Variants in JAKMIP3 observed in about 807,000 individuals in gnomAD.
JAKMIP3 encodes Janus kinase and microtubule interacting protein 3, also known as janus kinase and microtubule-interacting protein 3.
In JAKMIP3, 58 loss-of-function variants were observed where a neutral mutation model predicts 118.5. The ratio of observed to expected loss-of-function variants is 0.49; its 90% CI spans 0.40 to 0.61. The LOEUF (loss-of-function observed/expected upper bound fraction) is 0.61, where lower values mean the gene tolerates loss of function less well. JAKMIP3 is among the 20% of genes least tolerant of loss of function. JAKMIP3 has a pLI of 0.00. For synonymous variants in JAKMIP3, 486 were observed against 451.2 expected (o/e 1.08, Z -0.98); for missense variants, 950 against 1,109.0 (o/e 0.86, Z 2.04).
chr10:132,145,176 G>A lies in JAKMIP3; in HGVS notation c.1672G>A (p.Ala558Thr), dbSNP rs777987452. 6.2e-7 allele frequency: 1 copy of A among 1,610,152 alleles called. No homozygotes were observed. ...ARIEDLEKALAEQGQDMKWIE... is the reference protein window; with the variant it reads ...ARIEDLEKALTEQGQDMKWIE... The stretch of plus-strand genomic sequence containing the variant: ...GATAGAGGACCTGGAGAAGGCCCTG[G>A]CGGAGCAGGGGCAGGTGAGCCTGCA... Residue 558 changes from alanine to threonine, a missense_variant, in exon 12 of 24, where the codon GCG (alanine) becomes ACG (threonine). Transcript: ENST00000684848.
intron 2 of JAKMIP3, among the ~76,000 whole-genome samples, chr10:132,105,246 G>A (rs1043795343): frequency 3.9e-5 from 6 of 152,252 alleles, no homozygotes; most frequent in African/African-American, 7.2e-5. Flanking sequence ...TCTGTGTCCA[G>A]TGGTGCCATA....
intron 23 of JAKMIP3, among the ~76,000 whole-genome samples, chr10:132,169,556 T>G (rs539601480): frequency 6.6e-6 from 1 of 152,082 alleles, no homozygotes; most frequent in Admixed American, 6.5e-5. Flanking sequence ...TGGGAGGGTT[T>G]GTGGATCCGT....
intron 19 of JAKMIP3, among the ~76,000 whole-genome samples, chr10:132,159,094 G>A (rs1042269877): frequency 5.0e-5 from 7 of 139,526 alleles, no homozygotes; most frequent in African/African-American, 8.1e-5. Context: ...GTGTCTTCCC[G>A]TGTGATTCTG....
chr10:132,095,766 G>A (rs1156268176), intron 1 of JAKMIP3, among the ~76,000 whole-genome samples: 1 of 152,206 alleles, frequency 6.6e-6, no homozygotes, highest in Non-Finnish European at 1.5e-5. Context: ...CCTCCTGGGT[G>A]TTTACTATTC....
At chr10:132,080,761 C>G (rs1212554562) in intron 1 of JAKMIP3, among the ~76,000 whole-genome samples, 2 of 151,910 alleles carry the variant, frequency 1.3e-5, no homozygotes, top group Non-Finnish European at 2.9e-5. Flanking sequence ...CTCAAGCAGT[C>G]TGCCCACCTC....
In JAKMIP3 at chr10:132,104,766, A is replaced by C; in HGVS notation, c.-43A>C. The stretch of plus-strand genomic sequence containing the variant: ...GCCACCCCCAGCCCAGCCCAGCCGG[A>C]GCACCCTACCCCTGGGCATCCCCCT... On this transcript the variant is annotated 5_prime_UTR_variant, in exon 2 of 24. Transcript: ENST00000684848. The C allele has an allele frequency of 6.5e-7, 1 of 1,538,896 alleles. No homozygotes were observed. Among genetic ancestry groups the C allele is most frequent in the Non-Finnish European group, 8.8e-7 (1 of 1,138,832 alleles).
intron 16 of JAKMIP3, among the ~76,000 whole-genome samples, chr10:132,152,013 TCAGCCTC>T (rs1428890719): frequency 6.6e-6 from 1 of 152,140 alleles, no homozygotes. Context: ...AGCCACCTGC[TCAGCCTC>T]CCCAACTTAA....
At position 132,163,366 on chromosome 10, in the gene JAKMIP3, C is replaced by T; in HGVS notation, c.2378C>T (p.Ala793Val). 1 of 1,608,412 alleles carries T rather than the reference C, an allele frequency of 6.2e-7. No individual in the cohort carries two copies. The change falls in exon 20 of 24, where the codon GCC (alanine) becomes GTC (valine). Residue 793 changes from alanine to valine, a missense_variant. Transcript: ENST00000684848. ...ATGAGTGAGCTGCGCGAGCGGGACG[C>T]CCAGATCCTGCGGGAGCGCATGGAG... ...QVMSELRERDAQILRERMELL... is the reference protein window; with the variant it reads ...QVMSELRERDVQILRERMELL...
intron 14 of JAKMIP3, among the ~76,000 whole-genome samples, chr10:132,148,530 ATCCGCCCCCG>A (rs1398762178): frequency 3.8e-4 from 50 of 132,376 alleles, no homozygotes; most frequent in African/African-American, 9.4e-4. Flanking sequence ...CCCGTCCTCC[ATCCGCCCCCG>A]TGGCCCTGCT....
At position 132,118,760 on chromosome 10, in the gene JAKMIP3, C is replaced by G. The variant is rs1400219897; in HGVS notation, c.633+1186C>G. ...TCCCCTACACCTCTTCGCCCTGTCCCAAGCCACATATCGATGTCACCTTAG... is the reference window on the plus strand; with the variant it reads ...TCCCCTACACCTCTTCGCCCTGTCCGAAGCCACATATCGATGTCACCTTAG... On this transcript the variant is annotated intron_variant, in intron 3 of 23. Coordinates refer to ENST00000684848, the MANE Select transcript of JAKMIP3 (RefSeq NM_001323087.2). The surrounding 1 kb of genome is among the most constrained non-coding windows in gnomAD (Gnocchi z 4.8). Among the ~76,000 whole-genome samples, 1 of 152,260 alleles carries G rather than the reference C, an allele frequency of 6.6e-6. No homozygotes were observed. The highest frequency in any genetic ancestry group is 1.5e-5 in the Non-Finnish European group (1 of 68,046).
intron 22 of JAKMIP3, 131 bp downstream of exon 22, chr10:132,167,186 A>G (rs1301329781): frequency 4.4e-6 from 3 of 686,412 alleles, no homozygotes; most frequent in Non-Finnish European, 7.5e-6. Context: ...CAGCATCCCC[A>G]AAAGGGTTGT....
intron 1 of JAKMIP3, among the ~76,000 whole-genome samples, chr10:132,072,131 T>C (rs904357092): frequency 3.3e-5 from 5 of 152,006 alleles, no homozygotes; most frequent in African/African-American, 1.2e-4. Flanking sequence ...TTTATACTTT[T>C]AGTTGAAACA....
chr10:132,123,300 C>A (rs929011157), intron 3 of JAKMIP3, among the ~76,000 whole-genome samples: 1 of 152,192 alleles, frequency 6.6e-6, no homozygotes, highest in Non-Finnish European at 1.5e-5. Flanking sequence ...GTGCACGCAG[C>A]TACTGCATGC....
chr10:132,045,089 C>A (rs2037868943), intron 1 of JAKMIP3, among the ~76,000 whole-genome samples: 1 of 152,120 alleles, frequency 6.6e-6, no homozygotes, highest in Admixed American at 6.6e-5. Flanking sequence ...GCTTTCAGTT[C>A]TTTCATCCCG....
rs1416652731 is a variant in JAKMIP3 at position 132,163,292 on chromosome 10, G to T, written c.2304G>T (p.Glu768Asp). Residue 768 changes from glutamate to aspartate, a missense_variant, in exon 20 of 24, where the codon GAG (glutamate) becomes GAT (aspartate). Glu to Asp is a conservative substitution (Grantham distance 45). Coordinates refer to ENST00000684848, the MANE Select transcript of JAKMIP3 (RefSeq NM_001323087.2). ...AGGTGGCTGAGCTGCTGTCAGAGGA[G>T]GAGCGCGAGAAGCTCAAGGTGGCCG... Reference protein sequence around the residue: ...GAKVAELLSEEEREKLKVAVE... With the variant: ...GAKVAELLSEDEREKLKVAVE... The T allele has an allele frequency of 1.2e-6, 2 of 1,602,698 alleles. No homozygotes were observed. The highest frequency in any genetic ancestry group is 4.5e-5 in the East Asian group (2 of 44,454).
intron 2 of JAKMIP3, among the ~76,000 whole-genome samples, chr10:132,106,898 T>TA (rs1674353795): frequency 6.6e-6 from 1 of 152,106 alleles, no homozygotes; most frequent in African/African-American, 2.4e-5. Flanking sequence ...TATCTTTTTT[T>TA]AAAAAAACAA....
intron 5 of JAKMIP3, among the ~76,000 whole-genome samples, chr10:132,135,493 T>G (rs2051561192): frequency 6.6e-6 from 1 of 152,210 alleles, no homozygotes; most frequent in Non-Finnish European, 1.5e-5. Flanking sequence ...GATTTCCAGG[T>G]AACTCGATAT....
chr10:132,128,336 C>A (rs886606309), intron 3 of JAKMIP3, among the ~76,000 whole-genome samples: 5 of 152,164 alleles, frequency 3.3e-5, no homozygotes, highest in Non-Finnish European at 7.3e-5. Context: ...TTAAGATATT[C>A]TCTTTAACTC....
intron 1 of JAKMIP3, among the ~76,000 whole-genome samples, chr10:132,097,955 C>T (rs1386973129): frequency 2.2e-5 from 1 of 45,936 alleles, no homozygotes; most frequent in Non-Finnish European, 5.1e-5. Flanking sequence ...TTCCCATCCC[C>T]TTTCCCTTTC....
Sources: allele counts gnomAD v4.1 joint callset (sites outside exome capture counted in the v4.1 genomes callset), GRCh38; gene constraint gnomAD v4.1.1; non-coding constraint Gnocchi (gnomAD v3.1); transcripts MANE v1.5; gene names NCBI Gene and HGNC (gene_info 2026-07-23, HGNC 2026-07-21).